The following ASCC1 variants were observed in gnomAD, a reference collection of about 807,000 sequenced individuals.
The protein encoded by ASCC1 is activating signal cointegrator 1 complex subunit 1.
In ASCC1, 35 loss-of-function variants were observed where a neutral mutation model predicts 46.6. That is an observed-to-expected ratio of 0.75 (90% CI 0.57 to 0.99). The LOEUF (loss-of-function observed/expected upper bound fraction) is 0.99, where lower values mean the gene tolerates loss of function less well. ASCC1 is among the 50% of genes least tolerant of loss of function. The probability of loss-of-function intolerance (pLI) is 0.00; values close to 1 mark genes in which losing one functional copy is unlikely to be tolerated. For synonymous variants in ASCC1, 143 were observed against 146.6 expected (o/e 0.98, Z 0.18); for missense variants, 376 against 428.7 (o/e 0.88, Z 1.09).
At chr10:72,116,756 T>A (rs887360002) in intron 9 of ASCC1, among the ~76,000 whole-genome samples, 2 of 152,196 alleles carry the variant, frequency 1.3e-5, no homozygotes, top group Admixed American at 6.5e-5. Context: ...AGAACTGTTA[T>A]ATTGGTTTTT....
chr10:72,097,765 C>T (rs996517115), intron 9 of ASCC1, among the ~76,000 whole-genome samples: 2 of 152,244 alleles, frequency 1.3e-5, no homozygotes, highest in Admixed American at 6.5e-5. Flanking sequence ...ATAGCAAACG[C>T]CCCATGGCCA....
chr10:72,167,025 T>C lies in ASCC1; in HGVS notation c.490-5351A>G, dbSNP rs187688862. Reference sequence around the variant, plus strand: ...AGCACGGCCACTTTGGAAAACAGTTTGGCAGTTACTCAAAAAATTAAACAT... The same window carrying C: ...AGCACGGCCACTTTGGAAAACAGTTCGGCAGTTACTCAAAAAATTAAACAT... On this transcript the variant is annotated intron_variant, in intron 5 of 9. Transcript: ENST00000672957. Among the ~76,000 whole-genome samples the C allele has an allele frequency of 3.8e-3, 579 of 152,270 alleles. 3 individuals are homozygous for C. The highest frequency in any genetic ancestry group is 6.6e-3 in the Non-Finnish European group (447 of 68,020).
intron 5 of ASCC1, among the ~76,000 whole-genome samples, chr10:72,193,984 G>A (rs11000211): frequency 7.3e-5 from 11 of 151,182 alleles, no homozygotes; most frequent in Non-Finnish European, 1.0e-4. Context: ...ACAGGTGCCC[G>A]CCACCACACC....
chr10:72,200,242 A>T (rs1856299285), intron 4 of ASCC1, among the ~76,000 whole-genome samples: 1 of 152,184 alleles, frequency 6.6e-6, no homozygotes, highest in South Asian at 2.1e-4. Context: ...AACATATAAC[A>T]AGTGTTAATA....
intron 5 of ASCC1, among the ~76,000 whole-genome samples, chr10:72,185,317 T>C (rs548781984): frequency 3.0e-4 from 45 of 152,314 alleles, no homozygotes; most frequent in Middle Eastern, 6.8e-3. Context: ...AACACAAAGA[T>C]TTCTGCACAA....
chr10:72,122,505 G>A (rs945092947), intron 9 of ASCC1, among the ~76,000 whole-genome samples: 1 of 151,756 alleles, frequency 6.6e-6, no homozygotes, highest in Non-Finnish European at 1.5e-5. Context: ...CCCTTAGCTG[G>A]GTGTGGTAGC....
chr10:72,127,660 G>T (rs1845024983), intron 9 of ASCC1, among the ~76,000 whole-genome samples: 2 of 86,900 alleles, frequency 2.3e-5, no homozygotes, highest in African/African-American at 8.0e-5. Flanking sequence ...ATACCTAAGG[G>T]TTTCTTTTTT....
chr10:72,213,490 G>T, intron 1 of ASCC1, 159 bp from the exon 2 acceptor site: 7 of 528,034 alleles, frequency 1.3e-5, no homozygotes, highest in Non-Finnish European at 2.5e-5. Flanking sequence ...CTGTAAACCA[G>T]TTTAGGTTAA....
chr10:72,203,931 AAC>A (rs1856848000), intron 3 of ASCC1, among the ~76,000 whole-genome samples: 1 of 152,172 alleles, frequency 6.6e-6, no homozygotes, highest in Non-Finnish European at 1.5e-5. Flanking sequence ...CAGCCTGGGC[AAC>A]AGAGTAAGAC....
intron 9 of ASCC1, among the ~76,000 whole-genome samples, chr10:72,119,234 G>C (rs897531569): frequency 2.0e-5 from 3 of 152,236 alleles, no homozygotes; most frequent in African/African-American, 7.2e-5. Context: ...GCTTCCAGCA[G>C]GGGGAGGAAT....
chr10:72,201,717 C>T (rs1308068888), intron 4 of ASCC1, among the ~76,000 whole-genome samples: 1 of 152,100 alleles, frequency 6.6e-6, no homozygotes, highest in African/African-American at 2.4e-5. Flanking sequence ...GCAGGCAGAT[C>T]GCTTGAGCTC....
chr10:72,119,159 C>G (rs1162399508), intron 9 of ASCC1, among the ~76,000 whole-genome samples: 1 of 152,238 alleles, frequency 6.6e-6, no homozygotes, highest in Non-Finnish European at 1.5e-5. Context: ...GAGTTAGAAA[C>G]TCCAGGGAAC....
chr10:72,195,420 T>A (rs1247740521), intron 5 of ASCC1, among the ~76,000 whole-genome samples: 2 of 151,970 alleles, frequency 1.3e-5, no homozygotes, highest in South Asian at 4.1e-4. Context: ...CAAAGTGTTG[T>A]GATTAGAGGC....
At chr10:72,191,394 T>C (rs563340867) in intron 5 of ASCC1, among the ~76,000 whole-genome samples, 1 of 151,978 alleles carries the variant, frequency 6.6e-6, no homozygotes, top group South Asian at 2.1e-4. Flanking sequence ...AAGATAAACA[T>C]TTTTGTCTTT....
Position 72,210,796 on chromosome 10 carries a change from A to C in ASCC1, c.148T>G (p.Tyr50Asp). Residue 50 changes from tyrosine (Y) to aspartate (D), a missense_variant, in exon 3 of 10, where the codon TAC becomes GAC. Coordinates refer to ENST00000672957, the MANE Select transcript of ASCC1 (RefSeq NM_001198800.3). Reference protein sequence around the residue: ...MECADEPCDAYEVEQTPQGFR... With the variant: ...MECADEPCDADEVEQTPQGFR... ...CCTTGTGGGGTCTGCTCCACCTCGTAGGCATCACAGGGCTCATCAGCACAC... is the reference window on the plus strand; with the variant it reads ...CCTTGTGGGGTCTGCTCCACCTCGTCGGCATCACAGGGCTCATCAGCACAC... The C allele has an allele frequency of 1.2e-6, 2 of 1,614,084 alleles. No individual in the cohort carries two copies. Among genetic ancestry groups the C allele is most frequent in the Non-Finnish European group, 1.7e-6 (2 of 1,179,996 alleles).
intron 4 of ASCC1, among the ~76,000 whole-genome samples, chr10:72,202,036 A>C (rs7085926): frequency 1.3e-5 from 2 of 151,866 alleles, no homozygotes; most frequent in Non-Finnish European, 2.9e-5. Flanking sequence ...GATCACTTCA[A>C]ACCAAAAATT....
intron 9 of ASCC1, among the ~76,000 whole-genome samples, chr10:72,107,532 C>T (rs1589174332): frequency 1.3e-5 from 2 of 152,186 alleles, no homozygotes; most frequent in African/African-American, 2.4e-5. Context: ...TTTAAAAATA[C>T]TCACATGGGC....
At chr10:72,208,018 G>A (rs768696197) in intron 3 of ASCC1, among the ~76,000 whole-genome samples, 1 of 151,764 alleles carries the variant, frequency 6.6e-6, no homozygotes, top group Non-Finnish European at 1.5e-5. Flanking sequence ...TAGAAACAGG[G>A]TCTCACCATG....
At chr10:72,168,432 G>A (rs1451881588) in intron 5 of ASCC1, among the ~76,000 whole-genome samples, 1 of 152,208 alleles carries the variant, frequency 6.6e-6, no homozygotes, top group East Asian at 1.9e-4. Context: ...ACACTCTGTT[G>A]GAGAGGCTGT....
Sources: allele counts gnomAD v4.1 joint callset (sites outside exome capture counted in the v4.1 genomes callset), GRCh38; gene constraint gnomAD v4.1.1; transcripts MANE v1.5; gene names NCBI Gene and HGNC (gene_info 2026-07-23, HGNC 2026-07-21).